Variants in CALCOCO1 observed in about 807,000 individuals in gnomAD.
CALCOCO1 encodes calcium-binding and coiled-coil domain-containing protein 1.
CALCOCO1 carries 44 observed loss-of-function variants against 86.3 expected under a neutral mutation model. That is an observed-to-expected ratio of 0.51 (90% CI 0.40 to 0.66). The LOEUF (loss-of-function observed/expected upper bound fraction) is 0.66. Among genes scored for constraint, CALCOCO1 ranks in the 30% least tolerant of loss-of-function variants. The pLI is 0.00. For missense variants in CALCOCO1, 708 were observed against 851.1 expected, an observed-to-expected ratio of 0.83 and a Z score of 2.09; for synonymous variants, 297 against 327.6, an observed-to-expected ratio of 0.91 and a Z score of 1.01.
rs756452744 is a variant in CALCOCO1 at position 53,715,337 on chromosome 12, C to A, written c.1261-12G>T. 1.9e-6 allele frequency: 3 copies of A among 1,613,828 alleles called. No homozygotes were observed. The highest frequency in any genetic ancestry group is 1.3e-5 in the African/African-American group (1 of 74,894). On this transcript the variant is annotated splice_polypyrimidine_tract_variant and intron_variant, in intron 9 of 14. Coordinates refer to ENST00000550804, the MANE Select transcript of CALCOCO1 (RefSeq NM_020898.3). ...TTGTCCTTCTCTGCCTGAGAGATAG[C>A]CAAGAAGGAAAATGGGAGGGTGGAG...
At chr12:53,717,782 G>C (rs551292534) in intron 7 of CALCOCO1, among the ~76,000 whole-genome samples, 2 of 152,340 alleles carry the variant, frequency 1.3e-5, no homozygotes, top group South Asian at 4.1e-4. Context: ...GGCATGATTT[G>C]GGAGGCCGAG....
At chr12:53,715,534 T>C in intron 9 of CALCOCO1, 1 of 732,680 alleles carries the variant, frequency 1.4e-6, no homozygotes, top group Non-Finnish European at 2.2e-6. Flanking sequence ...ATGGGCATTA[T>C]GGCAGGGCCT....
chr12:53,721,478 C>T lies in CALCOCO1; in HGVS notation c.747G>A (p.Val249=). 6.2e-7 allele frequency: 1 copy of T among 1,610,636 alleles called. No individual in the cohort carries two copies. Among genetic ancestry groups the T allele is most frequent in the Non-Finnish European group, 8.5e-7 (1 of 1,178,958 alleles). The part of the protein sequence containing the change: ...TISEKVLTKE[V]ELDRLRDTVK... ...TGGACTCCCCTCACCTGTCCAGCTC[C>T]ACTTCCTTCGTCAGCACTTTCTCAC... The change falls in exon 6 of 15, where the codon GTG becomes GTA. Residue 249 remains valine, a synonymous_variant. Transcript: ENST00000550804.
rs200533485 is a variant in CALCOCO1 at position 53,711,931 on chromosome 12, C to T, written c.*13G>A. 4.4e-5 allele frequency: 68 copies of T among 1,544,624 alleles called. No homozygotes were observed. Among genetic ancestry groups the T allele is most frequent in the Admixed American group, 2.6e-4 (13 of 50,570 alleles). On this transcript the variant is annotated 3_prime_UTR_variant, in exon 15 of 15. Coordinates refer to ENST00000550804, the MANE Select transcript of CALCOCO1 (RefSeq NM_020898.3). ...GCATGAGTGTGTATTTGTGCATGTA[C>T]GAGGGAGTAAGATCACTCAAAGGTG...
At position 53,715,936 on chromosome 12, in the gene CALCOCO1, T is replaced by C; in HGVS notation, c.1117A>G (p.Arg373Gly). 1 of 1,614,092 alleles carries C rather than the reference T, an allele frequency of 6.2e-7. No individual in the cohort carries two copies. The highest frequency in any genetic ancestry group is 8.5e-7 in the Non-Finnish European group (1 of 1,180,004). ...TGTAGTTCGGCTATGGTGCGGTCCCTGGCTGCTGCTGCACTGGCCAACTCC... is the reference window on the plus strand; with the variant it reads ...TGTAGTTCGGCTATGGTGCGGTCCCCGGCTGCTGCTGCACTGGCCAACTCC... ...GEELASAAAARDRTIAELHRS... is the reference protein window; with the variant it reads ...GEELASAAAAGDRTIAELHRS... The change falls in exon 9 of 15, where the codon AGG (arginine) becomes GGG (glycine). Residue 373 changes from arginine (R) to glycine (G), a missense_variant. By Grantham distance (125) the Arg-to-Gly change is moderately radical. Coordinates refer to ENST00000550804, the MANE Select transcript of CALCOCO1 (RefSeq NM_020898.3).
chr12:53,722,967 G>C, intron 4 of CALCOCO1: 1 of 280,562 alleles, frequency 3.6e-6, no homozygotes, highest in Non-Finnish European at 7.0e-6. Flanking sequence ...AAAAAGAAAA[G>C]AAAAGAAAAG....
chr12:53,713,957 C>T, intron 12 of CALCOCO1, 57 bp from the exon 13 acceptor site: 7 of 1,443,212 alleles, frequency 4.9e-6, no homozygotes, highest in Non-Finnish European at 6.6e-6. Context: ...GGAGTTGGAC[C>T]AGCTGTCTCC....
rs375198392 is a variant in CALCOCO1 at position 53,713,200 on chromosome 12, C to T, written c.1798G>A (p.Glu600Lys). 3.1e-6 allele frequency: 5 copies of T among 1,613,806 alleles called. No homozygotes were observed. Among genetic ancestry groups the T allele is most frequent in the Non-Finnish European group, 4.2e-6 (5 of 1,179,870 alleles). ...AEDSSSDSEA[E>K]DEKSVLMAAV... ...GCCATCAGGACTGACTTCTCATCTT[C>T]AGCCTCCTGGATGCCAAAGAGACAG... is the stretch of plus-strand genomic sequence containing the variant. Residue 600 changes from glutamate to lysine, a missense_variant, in exon 14 of 15, where the codon GAA becomes AAA. Transcript: ENST00000550804.
intron 7 of CALCOCO1, among the ~76,000 whole-genome samples, chr12:53,718,306 C>T (rs11170662): frequency 0.16 from 23,637 of 152,066 alleles, 1,953 homozygotes; most frequent in East Asian, 0.32. Flanking sequence ...GAACAGTCTT[C>T]GATAGCCTCT....
Position 53,711,439 on chromosome 12 carries a change from G to A in CALCOCO1, c.*505C>T. The A allele has an allele frequency of 2.6e-6, 1 of 378,934 alleles. No homozygotes were observed. Among genetic ancestry groups the A allele is most frequent in the Non-Finnish European group, 4.7e-6 (1 of 214,404 alleles). 23.5% of individuals were successfully genotyped at this position (378,934 alleles called of 1,614,324 possible). A position where few individuals can be genotyped will look rare whatever the true frequency, so the allele number is the denominator to read the frequency against. ...CAGAAAGAGGAACCAATGAAACTGA[G>A]AACCAAAAGGGACCTGAGAGGCCAT... On this transcript the variant is annotated 3_prime_UTR_variant, in exon 15 of 15. Transcript: ENST00000550804.
chr12:53,726,357 AG>A (rs1946033380), intron 1 of CALCOCO1: 1 of 152,142 alleles, frequency 6.6e-6, no homozygotes, highest in African/African-American at 2.4e-5. Flanking sequence ...GTTGAGAGGA[AG>A]GGGTGTTCCA....
In CALCOCO1 at chr12:53,723,630, T is replaced by C; in HGVS notation, c.413A>G (p.Asp138Gly). 6.2e-7 allele frequency: 1 copy of C among 1,614,192 alleles called. No homozygotes were observed. The highest frequency in any genetic ancestry group is 8.5e-7 in the Non-Finnish European group (1 of 1,180,022). ...TGCCTTGGGGACAACCAGCAGGATG[T>C]CAGAGCCCCCATCAGCCTCCTCCAG... ...VTLEEADGGSDILLVVPKATV... is the reference protein window; with the variant it reads ...VTLEEADGGSGILLVVPKATV... Residue 138 changes from aspartate to glycine, a missense_variant, in exon 4 of 15, where the codon GAC becomes GGC. Transcript: ENST00000550804.
At chr12:53,722,315 G>A (rs1945896379) in intron 4 of CALCOCO1, 132 bp from the exon 5 acceptor site, 1 of 972,608 alleles carries the variant, frequency 1.0e-6, no homozygotes, top group Non-Finnish European at 1.6e-6. Context: ...GGTGAGGAAG[G>A]GGATGCTCAG....
intron 9 of CALCOCO1, 137 bp from the exon 10 acceptor site, chr12:53,715,462 T>A: frequency 8.4e-7 from 1 of 1,191,056 alleles, no homozygotes; most frequent in Non-Finnish European, 1.2e-6. Context: ...CCTTTTTGCC[T>A]TCATTTCCTA....
chr12:53,724,308 G>C (rs1340131331), intron 3 of CALCOCO1: 10 of 382,504 alleles, frequency 2.6e-5, no homozygotes, highest in Admixed American at 1.8e-4. Flanking sequence ...CAAACAGCTT[G>C]TAAGTGTTAG....
In CALCOCO1 at chr12:53,715,184, T is replaced by C; in HGVS notation, c.1386+16A>G. 1 of 1,613,524 alleles carries C rather than the reference T, an allele frequency of 6.2e-7. No homozygotes were observed. The highest frequency in any genetic ancestry group is 1.1e-5 in the South Asian group (1 of 91,038). ...GGAGGCCATAGGACAGGACCCTTGG[T>C]GGCTGGATGCCTCACCAGGCTAGAA... On this transcript the variant is annotated intron_variant, in intron 10 of 14. Coordinates refer to ENST00000550804, the MANE Select transcript of CALCOCO1 (RefSeq NM_020898.3).
chr12:53,713,012 G>A, intron 14 of CALCOCO1, 88 bp downstream of exon 14: 2 of 1,337,046 alleles, frequency 1.5e-6, no homozygotes, highest in South Asian at 1.2e-5. Flanking sequence ...GGCAGGGGTT[G>A]GGAGCAGGGC....
Position 53,713,896 on chromosome 12 carries a change from G to A in CALCOCO1, c.1596C>T (p.Cys532=), listed in dbSNP as rs778600659. ...EDEEAAVGLS[C]PAALTDSEDE... ...CCTCTGAGTCTGTCAGAGCTGCCGG[G>A]CAGCCTGTAGGAGATGAAGCAGGCA... Residue 532 remains cysteine, a synonymous_variant, in exon 13 of 15, where the codon TGC becomes TGT. Transcript: ENST00000550804. The A allele has an allele frequency of 6.6e-7, 1 of 1,523,918 alleles. No individual in the cohort carries two copies. The highest frequency in any genetic ancestry group is 2.2e-5 in the Admixed American group (1 of 46,508). The allele number at this position is 1,523,918 out of a possible 1,614,324, so 94.4% of individuals were successfully genotyped here. A position where few individuals can be genotyped will look rare whatever the true frequency, so the allele number is the denominator to read the frequency against.
At chr12:53,720,810 T>C (rs1452570142) in intron 6 of CALCOCO1, among the ~76,000 whole-genome samples, 1 of 152,256 alleles carries the variant, frequency 6.6e-6, no homozygotes, top group Admixed American at 6.5e-5. Context: ...ATATTTATGC[T>C]ACTTGGTAGA....
Sources: allele counts gnomAD v4.1 joint callset (sites outside exome capture counted in the v4.1 genomes callset), GRCh38; gene constraint gnomAD v4.1.1; transcripts MANE v1.5; gene names NCBI Gene and HGNC (gene_info 2026-07-23, HGNC 2026-07-21).